The following SMC6 variants were observed in gnomAD, a reference collection of about 807,000 sequenced individuals.
SMC6 encodes the protein structural maintenance of chromosomes protein 6.
Under a neutral mutation model 142.2 loss-of-function variants are expected in SMC6, and 79 were observed. The observed-to-expected ratio is 0.56, with a 90% CI of 0.46 to 0.67. The LOEUF is 0.67. Ranked by LOEUF, SMC6 falls within the 30% of genes least tolerant of loss-of-function variation. SMC6 has a pLI of 0.00. For synonymous variants in SMC6, 411 were observed against 412.4 expected (o/e 1.00, Z 0.04); for missense variants, 1,072 against 1,284.0 (o/e 0.83, Z 2.52).
intron 23 of SMC6, among the ~76,000 whole-genome samples, chr2:17,689,312 T>C (rs978978219): frequency 3.9e-5 from 6 of 152,082 alleles, no homozygotes; most frequent in African/African-American, 1.4e-4. Context: ...GCATGACAAA[T>C]GAAATACACG....
intron 24 of SMC6, chr2:17,679,836 G>GT (rs1171662972): frequency 1.3e-5 from 2 of 152,370 alleles, no homozygotes; most frequent in African/African-American, 4.8e-5. Context: ...GTGGGGAATG[G>GT]TATTTAGAAA....
At chr2:17,683,577 A>C in intron 24 of SMC6, 61 bp downstream of exon 24, 1 of 1,389,568 alleles carries the variant, frequency 7.2e-7, no homozygotes, top group Non-Finnish European at 9.9e-7. Context: ...TATATAAATA[A>C]TATGAAAACA....
chr2:17,683,872 T>C (rs1248890058), intron 23 of SMC6, 109 bp from the exon 24 acceptor site: 2 of 943,640 alleles, frequency 2.1e-6, no homozygotes, highest in Non-Finnish European at 1.7e-6. Context: ...CAGAGAGTAC[T>C]AAGGGGGCCT....
At chr2:17,671,381 GA>G (rs1322019378) in intron 25 of SMC6, among the ~76,000 whole-genome samples, 1 of 226 alleles carries the variant, frequency 4.4e-3, no homozygotes. Context: ...TCCTTTAAAG[GA>G]ACCCTAGAAG....
intron 2 of SMC6, chr2:17,746,499 T>C (rs956452491): frequency 1.3e-5 from 2 of 152,292 alleles, no homozygotes; most frequent in Admixed American, 6.5e-5. Context: ...TATAAAGTAA[T>C]CAGATAAAAC....
chr2:17,693,621 T>C (rs1193926151), intron 23 of SMC6, among the ~76,000 whole-genome samples: 1 of 151,854 alleles, frequency 6.6e-6, no homozygotes, highest in East Asian at 1.9e-4. Context: ...CACACCAACA[T>C]GGCACATGTA....
intron 2 of SMC6, among the ~76,000 whole-genome samples, chr2:17,750,408 C>T (rs1670966380): frequency 6.6e-6 from 1 of 152,166 alleles, no homozygotes; most frequent in African/African-American, 2.4e-5. Flanking sequence ...TTCCTTTGAT[C>T]CCCAACATCT....
At chr2:17,707,190 G>A (rs6734462) in intron 18 of SMC6, 29 bp downstream of exon 18, 632,895 of 1,462,464 alleles carry the variant, frequency 0.43, 146,824 homozygotes, top group African/African-American at 0.79. Context: ...CAGTGGGAAT[G>A]ATACAGTAAA....
chr2:17,678,632 T>C (rs1572253719), intron 25 of SMC6, among the ~76,000 whole-genome samples: 3 of 148,660 alleles, frequency 2.0e-5, no homozygotes, highest in South Asian at 2.1e-4. Flanking sequence ...AAAAATTAGC[T>C]GGGCATGGTG....
intron 24 of SMC6, chr2:17,680,216 T>G (rs1482889132): frequency 6.6e-6 from 1 of 152,182 alleles, no homozygotes; most frequent in African/African-American, 2.4e-5. Flanking sequence ...GTAAACAATA[T>G]GAAATATGTC....
intron 4 of SMC6, among the ~76,000 whole-genome samples, chr2:17,738,568 C>A (rs995847958): frequency 1.3e-5 from 2 of 152,108 alleles, no homozygotes; most frequent in African/African-American, 4.8e-5. Context: ...AAATTGTTGC[C>A]ACTAAAAAGA....
At chr2:17,749,585 G>A (rs1482329680) in intron 2 of SMC6, among the ~76,000 whole-genome samples, 1 of 152,156 alleles carries the variant, frequency 6.6e-6, no homozygotes, top group Non-Finnish European at 1.5e-5. Flanking sequence ...CTACTCAGGA[G>A]GCTGAGGCAG....
chr2:17,752,424 C>T (rs1671091137), intron 2 of SMC6, among the ~76,000 whole-genome samples: 1 of 152,166 alleles, frequency 6.6e-6, no homozygotes, highest in African/African-American at 2.4e-5. Flanking sequence ...TTGATTGAGT[C>T]CACGGATACA....
chr2:17,678,901 TCCACAATA>T lies in SMC6; in HGVS notation c.2860_2867del (p.Tyr954LysfsTer5). ...CATTCTTGTGGTCAAAATTCATTTT[TCCACAATA>T]GGCCCGCTGAGATAGTAAGTTGTCA... On this transcript the variant is annotated frameshift_variant, in exon 25 of 28. Coordinates refer to ENST00000448223, the MANE Select transcript of SMC6 (RefSeq NM_001142286.2). LOFTEE classifies it high-confidence loss of function. The T allele has an allele frequency of 6.2e-7, 1 of 1,612,754 alleles. No homozygotes were observed. The highest frequency in any genetic ancestry group is 8.5e-7 in the Non-Finnish European group (1 of 1,179,336).
chr2:17,714,585 T>C (rs762567560), intron 16 of SMC6, among the ~76,000 whole-genome samples: 8 of 152,154 alleles, frequency 5.3e-5, no homozygotes, highest in Non-Finnish European at 1.0e-4. Flanking sequence ...CCCTCTTAAA[T>C]TGGTCATATC....
At chr2:17,710,088 T>G (rs1340069811) in intron 16 of SMC6, among the ~76,000 whole-genome samples, 1 of 152,208 alleles carries the variant, frequency 6.6e-6, no homozygotes, top group Non-Finnish European at 1.5e-5. Flanking sequence ...GACTTTACGT[T>G]GGCTGCTGTA....
chr2:17,705,477 G>A (rs993961365), intron 18 of SMC6, among the ~76,000 whole-genome samples: 2 of 150,346 alleles, frequency 1.3e-5, no homozygotes, highest in Admixed American at 1.3e-4. Flanking sequence ...CTGAGGCACA[G>A]GAATCACTTG....
intron 17 of SMC6, among the ~76,000 whole-genome samples, chr2:17,707,680 G>A (rs1668616985): frequency 6.6e-6 from 1 of 151,940 alleles, no homozygotes; most frequent in African/African-American, 2.4e-5. Context: ...TATTCTAAGT[G>A]CTTTTTAATG....
intron 5 of SMC6, among the ~76,000 whole-genome samples, chr2:17,736,812 T>C (rs1377596651): frequency 6.6e-6 from 1 of 151,810 alleles, no homozygotes; most frequent in Non-Finnish European, 1.5e-5. Context: ...GTAGAGGTTG[T>C]AGTGAGCCAA....
Sources: gnomAD v4.1 joint callset for allele counts (sites outside exome capture counted in the v4.1 genomes callset) on GRCh38, gnomAD v4.1.1 for gene constraint, MANE v1.5 for transcripts, NCBI Gene and HGNC (gene_info 2026-07-23, HGNC 2026-07-21) for gene names.